The following HNRNPU variants were observed in gnomAD, a reference collection of about 807,000 sequenced individuals.
HNRNPU encodes heterogeneous nuclear ribonucleoprotein U.
A neutral mutation model predicts 94.7 loss-of-function variants in HNRNPU; 5 were observed. The observed-to-expected ratio is 0.05, with a 90% confidence interval of 0.03 to 0.11. The LOEUF (loss-of-function observed/expected upper bound fraction) is 0.11. Ranked by LOEUF, HNRNPU falls within the 10% of genes least tolerant of loss-of-function variation. The pLI, the probability that HNRNPU is intolerant of heterozygous loss-of-function variation, is 1.00. For missense variants in HNRNPU, 710 were observed against 1,049.2 expected, an observed-to-expected ratio of 0.68 and a Z score of 4.47; for synonymous variants, 434 against 381.6, an observed-to-expected ratio of 1.14 and a Z score of -1.60.
At chr1:244,854,951 A>T in intron 13 of HNRNPU, 22 bp downstream of exon 13, 2 of 1,556,292 alleles carry the variant, frequency 1.3e-6, no homozygotes, top group Non-Finnish European at 1.8e-6. Context: ...AATGTACATA[A>T]AGCACATAAG....
chr1:244,863,828 C>T lies in HNRNPU; in HGVS notation c.480G>A (p.Glu160=). ...GCGTCGCCGGCGGTTGAGGCTGCTG[C>T]TCCCCGTGCCCGTTCTCGTCGCCCG... ...EGAGDENGHG[E]QQPQPPATQQ... Residue 160 remains glutamate, a synonymous_variant, in exon 1 of 14, where the codon GAG becomes GAA. Transcript: ENST00000640218. 6.2e-7 allele frequency: 1 copy of T among 1,610,854 alleles called. No homozygotes were observed. The highest frequency in any genetic ancestry group is 8.5e-7 in the Non-Finnish European group (1 of 1,179,042).
rs983299988 is a variant in HNRNPU, at chr1:244,863,055, C to T, written c.692-325G>A. On this transcript the variant is annotated intron_variant, in intron 1 of 13. Coordinates refer to ENST00000640218, the MANE Select transcript of HNRNPU (RefSeq NM_031844.3). The stretch of plus-strand genomic sequence containing the variant: ...CCGAGCCCGGCGCGGCGGCGCTCCC[C>T]TCCCCCGCGGGCCCGCGCTCCCCGC... 9.6e-5 allele frequency: 30 copies of T among 311,228 alleles called. No homozygotes were observed. In the Admixed American group the frequency reaches 1.4e-3, roughly 15 times the overall value. 19.3% of individuals were successfully genotyped at this position (311,228 alleles called of 1,614,324 possible). A position where few individuals can be genotyped will look rare whatever the true frequency, so the allele number is the denominator to read the frequency against.
At chr1:244,858,930 G>T in intron 5 of HNRNPU, 89 bp from the exon 6 acceptor site, 1 of 669,904 alleles carries the variant, frequency 1.5e-6, no homozygotes, top group East Asian at 2.7e-5. Context: ...GGCTACAAGA[G>T]AAATAAGCAT....
intron 5 of HNRNPU, 81 bp from the exon 6 acceptor site, chr1:244,858,922 C>G: frequency 1.4e-6 from 1 of 694,486 alleles, no homozygotes; most frequent in Non-Finnish European, 2.5e-6. Flanking sequence ...AAGATGTAGG[C>G]TACAAGAGAA....
chr1:244,864,102 C>G lies in HNRNPU; in HGVS notation c.206G>C (p.Arg69Pro), dbSNP rs754427497. 1.8e-5 allele frequency: 28 copies of G among 1,595,970 alleles called. No individual in the cohort carries two copies. The highest frequency in any genetic ancestry group is 2.0e-5 in the Non-Finnish European group (23 of 1,171,488). Residue 69 changes from arginine (R) to proline (P), a missense_variant, in exon 1 of 14, where the codon CGC (arginine) becomes CCC (proline). Coordinates refer to ENST00000640218, the MANE Select transcript of HNRNPU (RefSeq NM_031844.3). Reference sequence around the variant, plus strand: ...CTCCTGCTCGAGGCCTGCTCCCGAGCGCCCAGCGGAATCCCCGCCCAGGTC... The same window carrying G: ...CTCCTGCTCGAGGCCTGCTCCCGAGGGCCCAGCGGAATCCCCGCCCAGGTC... ...SLDLGGDSAG[R>P]SGAGLEQEAA...
Position 244,851,034 on chromosome 1 carries a change from C to G in HNRNPU, c.*3416G>C, listed in dbSNP as rs1036611760. 1 of 152,040 alleles carries G rather than the reference C, an allele frequency of 6.6e-6. No homozygotes were observed. The highest frequency in any genetic ancestry group is 1.9e-4 in the East Asian group (1 of 5,178). The allele number at this position is 152,040 out of a possible 1,614,324, so 9.4% of individuals were successfully genotyped here. A position where few individuals can be genotyped will look rare whatever the true frequency, so the allele number is the denominator to read the frequency against. On this transcript the variant is annotated 3_prime_UTR_variant, in exon 14 of 14. Transcript: ENST00000640218. ...ATGTTGCCCAGGATGGTCTCAAACT[C>G]CTGAGCTCAAGTGATCCTCCCGCCT...
rs1573337078 is a variant in HNRNPU, at chr1:244,863,428, G to A, written c.691+189C>T. On this transcript the variant is annotated intron_variant, in intron 1 of 13. Transcript: ENST00000640218. Reference sequence around the variant, plus strand: ...CACACACACACACACACACGCGCGCGCGCACACACACGCCCCGAGCCCGAG... The same window carrying A: ...CACACACACACACACACACGCGCGCACGCACACACACGCCCCGAGCCCGAG... Among the ~76,000 whole-genome samples the A allele has an allele frequency of 3.3e-5, 5 of 149,622 alleles. 1 individual carries two copies. The highest frequency in any genetic ancestry group is 1.3e-4 in the Admixed American group (2 of 15,080).
intron 1 of HNRNPU, 143 bp from the exon 2 acceptor site, chr1:244,862,873 C>A (rs963195883): frequency 2.9e-6 from 2 of 683,984 alleles, no homozygotes; most frequent in African/African-American, 3.6e-5. Flanking sequence ...ATTCAAAGAA[C>A]AATCAACTAC....
chr1:244,862,158 A>G (rs538653516), intron 3 of HNRNPU: 119 of 298,204 alleles, frequency 4.0e-4, no homozygotes, highest in Non-Finnish European at 7.2e-4. Context: ...GCTAAATTAT[A>G]GGTAGTGTTA....
At position 244,854,186 on chromosome 1, in the gene HNRNPU, T is replaced by C. The variant is rs1680617986; in HGVS notation, c.*264A>G. On this transcript the variant is annotated 3_prime_UTR_variant, in exon 14 of 14. Coordinates refer to ENST00000640218, the MANE Select transcript of HNRNPU (RefSeq NM_031844.3). Reference sequence around the variant, plus strand: ...ATAAAAAAAAAAAAAAGTCACATTTTACAGATAAAATGTAGAACCCTGAAA... The same window carrying C: ...ATAAAAAAAAAAAAAAGTCACATTTCACAGATAAAATGTAGAACCCTGAAA... 1 of 339,072 alleles carries C rather than the reference T, an allele frequency of 2.9e-6. No homozygotes were observed. The highest frequency in any genetic ancestry group is 5.4e-6 in the Non-Finnish European group (1 of 186,880). The allele number at this position is 339,072 out of a possible 1,614,324, so 21.0% of individuals were successfully genotyped here.
intron 6 of HNRNPU, 52 bp downstream of exon 6, chr1:244,858,677 G>C (rs1296401059): frequency 1.1e-6 from 1 of 940,168 alleles, no homozygotes; most frequent in South Asian, 1.4e-5. Context: ...AAAGTTCCTA[G>C]ATATAGCTAC....
At position 244,854,503 on chromosome 1, in the gene HNRNPU, G is replaced by T; in HGVS notation, c.2425C>A (p.Gln809Lys). 6.2e-7 allele frequency: 1 copy of T among 1,601,752 alleles called. No homozygotes were observed. Among genetic ancestry groups the T allele is most frequent in the Non-Finnish European group, 8.5e-7 (1 of 1,169,760 alleles). The change falls in exon 14 of 14, where the codon CAA (glutamine) becomes AAA (lysine). Residue 809 changes from glutamine to lysine, a missense_variant and splice_region_variant. Transcript: ENST00000640218. ...CTCCATGGCTTCTGACCCCAGAATTGCTGTAAGAGAAAATTTTGTTTTTAA... is the reference window on the plus strand; with the variant it reads ...CTCCATGGCTTCTGACCCCAGAATTTCTGTAAGAGAAAATTTTGTTTTTAA... ...SQGYNQWQQG[Q>K]FWGQKPWSQH...
At chr1:244,860,283 AGAGT>A in intron 4 of HNRNPU, 48 bp downstream of exon 4, 2 of 1,526,868 alleles carry the variant, frequency 1.3e-6, no homozygotes, top group African/African-American at 1.4e-5. Context: ...CCTAGGGAAC[AGAGT>A]GAGACTGTCT....
Position 244,860,487 on chromosome 1 carries a change from C to T in HNRNPU, c.878-13G>A, listed in dbSNP as rs115293649. The stretch of plus-strand genomic sequence containing the variant: ...AGATCACAATTATCTGTAATTATAT[C>T]AAATACTGTGTTACTTTTGACATCC... On this transcript the variant is annotated splice_polypyrimidine_tract_variant and intron_variant, in intron 3 of 13. Transcript: ENST00000640218. The T allele has an allele frequency of 1.8e-5, 29 of 1,582,038 alleles. No homozygotes were observed. In the African/African-American group the frequency reaches 3.8e-4, roughly 21 times the overall value.
In HNRNPU at chr1:244,852,988, T is replaced by C. The variant is rs1680586681; in HGVS notation, c.*1462A>G. On this transcript the variant is annotated 3_prime_UTR_variant, in exon 14 of 14. Coordinates refer to ENST00000640218, the MANE Select transcript of HNRNPU (RefSeq NM_031844.3). ...CATAGCTACAGTCAAGTTAGCAGTGTTGTGTAGCAGTGACATCAATGACTG... is the reference window on the plus strand; with the variant it reads ...CATAGCTACAGTCAAGTTAGCAGTGCTGTGTAGCAGTGACATCAATGACTG... 6.6e-6 allele frequency: 1 copy of C among 152,586 alleles called. No individual in the cohort carries two copies. The highest frequency in any genetic ancestry group is 1.5e-5 in the Non-Finnish European group (1 of 68,016). 9.5% of individuals were successfully genotyped at this position (152,586 alleles called of 1,614,324 possible).
At position 244,850,641 on chromosome 1, in the gene HNRNPU, A is replaced by AT. The variant is rs1254003152; in HGVS notation, c.*3808_*3809insA. 1 of 152,168 alleles carries AT rather than the reference A, an allele frequency of 6.6e-6. No homozygotes were observed. Among genetic ancestry groups the AT allele is most frequent in the African/African-American group, 2.4e-5 (1 of 41,440 alleles). The allele number at this position is 152,168 out of a possible 1,614,324, so 9.4% of individuals were successfully genotyped here. ...TTAACCAATTCTTGCTCAAAGCACT[A>AT]ATGTTCAGTCCCTCACCATTTATGC... On this transcript the variant is annotated 3_prime_UTR_variant, in exon 14 of 14. Transcript: ENST00000640218.
In HNRNPU at chr1:244,858,180, C is replaced by T. The variant is rs1001439129; in HGVS notation, c.1325G>A (p.Arg442Gln). ...GCAGAGAACATGCGGGAACAGTGGC[C>T]GTCCAGCAAGAACTTCCTTACTGAT... ...FKISKEVLAG[R>Q]PLFPHVLCHN... is the part of the protein sequence containing the mutation. Residue 442 changes from arginine (R) to glutamine (Q), a missense_variant, in exon 7 of 14, where the codon CGG becomes CAG. By Grantham distance (43) the Arg-to-Gln change is conservative. Coordinates refer to ENST00000640218, the MANE Select transcript of HNRNPU (RefSeq NM_031844.3). 1 of 1,614,040 alleles carries T rather than the reference C, an allele frequency of 6.2e-7. No individual in the cohort carries two copies. The highest frequency in any genetic ancestry group is 2.2e-5 in the East Asian group (1 of 44,882).
chr1:244,852,978 G>T lies in HNRNPU; in HGVS notation c.*1472C>A, dbSNP rs1385632688. ...AATGTTATTACATAGCTACAGTCAA[G>T]TTAGCAGTGTTGTGTAGCAGTGACA... On this transcript the variant is annotated 3_prime_UTR_variant, in exon 14 of 14. Coordinates refer to ENST00000640218, the MANE Select transcript of HNRNPU (RefSeq NM_031844.3). 1 of 152,588 alleles carries T rather than the reference G, an allele frequency of 6.6e-6. No homozygotes were observed. 9.5% of individuals were successfully genotyped at this position (152,588 alleles called of 1,614,324 possible). A position where few individuals can be genotyped will look rare whatever the true frequency, so the allele number is the denominator to read the frequency against.
In HNRNPU at chr1:244,852,986, T is replaced by A. The variant is rs1418644585; in HGVS notation, c.*1464A>T. 6.6e-6 allele frequency: 1 copy of A among 152,586 alleles called. No homozygotes were observed. Among genetic ancestry groups the A allele is most frequent in the Non-Finnish European group, 1.5e-5 (1 of 68,008 alleles). The allele number at this position is 152,586 out of a possible 1,614,324, so 9.5% of individuals were successfully genotyped here. A position where few individuals can be genotyped will look rare whatever the true frequency, so the allele number is the denominator to read the frequency against. The stretch of plus-strand genomic sequence containing the variant: ...TACATAGCTACAGTCAAGTTAGCAG[T>A]GTTGTGTAGCAGTGACATCAATGAC... On this transcript the variant is annotated 3_prime_UTR_variant, in exon 14 of 14. Transcript: ENST00000640218.
Sources: gnomAD v4.1 joint callset for allele counts (sites outside exome capture counted in the v4.1 genomes callset) on GRCh38, gnomAD v4.1.1 for gene constraint, MANE v1.5 for transcripts, NCBI Gene and HGNC (gene_info 2026-07-23, HGNC 2026-07-21) for gene names.